The following HMGCLL1 variants were observed in gnomAD, a reference collection of about 807,000 sequenced individuals.
HMGCLL1 encodes 3-hydroxymethyl-3-methylglutaryl-CoA lyase, cytoplasmic.
A neutral mutation model predicts 39.1 loss-of-function variants in HMGCLL1; 36 were observed. The observed-to-expected ratio is 0.92, with a 90% CI of 0.71 to 1.22. The LOEUF (loss-of-function observed/expected upper bound fraction) is 1.22, where lower values mean the gene tolerates loss of function less well. Ranked by LOEUF, HMGCLL1 falls within the 50% of genes most tolerant of loss-of-function variation. The pLI is 0.00. For synonymous variants in HMGCLL1, 149 were observed against 144.0 expected, an observed-to-expected ratio of 1.03 and a Z score of -0.25; for missense variants, 451 against 416.5, an observed-to-expected ratio of 1.08 and a Z score of -0.72.
intron 7 of HMGCLL1, among the ~76,000 whole-genome samples, chr6:55,487,150 C>T (rs1056638495): frequency 2.6e-5 from 4 of 152,042 alleles, no homozygotes; most frequent in African/African-American, 7.2e-5. Context: ...CAACACTATT[C>T]CAACAGTGTT....
chr6:55,627,235 C>T, the HMGCLL1 span, among the ~76,000 whole-genome samples: 9 of 151,842 alleles, frequency 5.9e-5, no homozygotes, highest in Non-Finnish European at 1.2e-4. Context: ...CATTTTTGTG[C>T]ATGTATACAC....
chr6:55,477,200 T>G lies in HMGCLL1; in HGVS notation c.795+18219A>C, dbSNP rs1158753355. On this transcript the variant is annotated intron_variant, in intron 7 of 8. Coordinates refer to ENST00000274901, the MANE Select transcript of HMGCLL1 (RefSeq NM_001042406.2). ...TATTATATTTATATATTATATATTA[T>G]ATAATATATATTATATTATAATATA... 2.1e-3 allele frequency among the ~76,000 whole-genome samples: 56 copies of G among 26,190 alleles called. 10 individuals are homozygous for G. Among genetic ancestry groups the G allele is most frequent in the Admixed American group, 2.8e-3 (4 of 1,426 alleles). 17.2% of individuals were successfully genotyped at this position (26,190 alleles called of 152,430 possible).
At chr6:55,618,562 A>G in the HMGCLL1 span, among the ~76,000 whole-genome samples, 1 of 152,092 alleles carries the variant, frequency 6.6e-6, no homozygotes, top group Non-Finnish European at 1.5e-5. Flanking sequence ...TCCATATTAC[A>G]GCACAACAGT....
intron 7 of HMGCLL1, among the ~76,000 whole-genome samples, chr6:55,486,757 G>T (rs1369665629): frequency 2.6e-5 from 4 of 152,104 alleles, no homozygotes; most frequent in African/African-American, 9.6e-5. Context: ...GTCAGTTTGG[G>T]CTGCTATAAC....
chr6:55,493,849 C>G (rs979871343), intron 7 of HMGCLL1, among the ~76,000 whole-genome samples: 2 of 152,080 alleles, frequency 1.3e-5, no homozygotes, highest in African/African-American at 4.8e-5. Context: ...TCTCCTGCCT[C>G]AGCCTCCCAA....
chr6:55,559,187 T>C (rs1225411923), intron 1 of HMGCLL1, among the ~76,000 whole-genome samples: 1 of 152,152 alleles, frequency 6.6e-6, no homozygotes, highest in East Asian at 1.9e-4. Context: ...CCAAAAAAAG[T>C]CCACGAAAAC....
chr6:55,587,759 C>A, the HMGCLL1 span, among the ~76,000 whole-genome samples: 1 of 152,088 alleles, frequency 6.6e-6, no homozygotes, highest in Admixed American at 6.6e-5. Flanking sequence ...CAATCCTAGT[C>A]TCTGACTAAA....
chr6:55,566,511 G>A, intron 1 of HMGCLL1: 1 of 418,604 alleles, frequency 2.4e-6, no homozygotes, highest in Non-Finnish European at 4.8e-6. Flanking sequence ...TACTATTGGT[G>A]GAAAAAAGAG....
chr6:55,465,926 T>C (rs1030864739), intron 7 of HMGCLL1, among the ~76,000 whole-genome samples: 1 of 152,120 alleles, frequency 6.6e-6, no homozygotes, highest in African/African-American at 2.4e-5. Flanking sequence ...ATCTATGCTT[T>C]AAGGATTGTC....
chr6:55,439,393 C>A, intron 8 of HMGCLL1, 41 bp downstream of exon 8: 1 of 1,571,266 alleles, frequency 6.4e-7, no homozygotes, highest in Non-Finnish European at 8.7e-7. Context: ...TTTGGAGCTG[C>A]AAGGAATGCA....
At chr6:55,610,727 T>A in the HMGCLL1 span, among the ~76,000 whole-genome samples, 1 of 152,100 alleles carries the variant, frequency 6.6e-6, no homozygotes, top group Non-Finnish European at 1.5e-5. Context: ...CTAAGACACA[T>A]AATCATCAGA....
At chr6:55,566,121 T>A (rs1343360507) in intron 1 of HMGCLL1, among the ~76,000 whole-genome samples, 3 of 152,042 alleles carry the variant, frequency 2.0e-5, no homozygotes, top group African/African-American at 7.2e-5. Context: ...AATATGAAAT[T>A]GAGTAGAGAA....
At chr6:55,654,320 A>G in the HMGCLL1 span, among the ~76,000 whole-genome samples, 1 of 150,704 alleles carries the variant, frequency 6.6e-6, no homozygotes, top group Admixed American at 6.6e-5. Context: ...TATAAAAATT[A>G]TATATTATAT....
the HMGCLL1 span, among the ~76,000 whole-genome samples, chr6:55,635,935 T>G: frequency 2.0e-5 from 3 of 152,142 alleles, no homozygotes; most frequent in Non-Finnish European, 4.4e-5. Context: ...GAACCCAGTC[T>G]TGTCTTCCAG....
the HMGCLL1 span, among the ~76,000 whole-genome samples, chr6:55,645,034 G>A: frequency 6.6e-6 from 1 of 151,912 alleles, no homozygotes; most frequent in South Asian, 2.1e-4. Context: ...CATGAACATG[G>A]AATATCTTTC....
At chr6:55,480,295 G>A (rs1765671288) in intron 7 of HMGCLL1, among the ~76,000 whole-genome samples, 2 of 151,310 alleles carry the variant, frequency 1.3e-5, no homozygotes, top group South Asian at 2.1e-4. Flanking sequence ...CTAATAATCC[G>A]ACCAAAAATG....
upstream of HMGCLL1, among the ~76,000 whole-genome samples, chr6:55,584,048 G>A (rs1772029020): frequency 6.6e-6 from 1 of 151,974 alleles, no homozygotes; most frequent in Non-Finnish European, 1.5e-5. Context: ...TTGCTTAAAT[G>A]TACTCTTCCA....
the HMGCLL1 span, among the ~76,000 whole-genome samples, chr6:55,656,227 C>T: frequency 6.6e-6 from 1 of 151,900 alleles, no homozygotes; most frequent in Admixed American, 6.6e-5. Flanking sequence ...AGTCAGAAAT[C>T]TAGATGTCAT....
rs776534349 is a variant in HMGCLL1, at chr6:55,435,815, A to C, written c.922-52T>G. On this transcript the variant is annotated intron_variant, in intron 8 of 8. Transcript: ENST00000274901. ...GAAGGCAGAGGGATTAGAGAGAAAAAAGATAAAACATAGCCTTTTAAATTT... is the reference window on the plus strand; with the variant it reads ...GAAGGCAGAGGGATTAGAGAGAAAACAGATAAAACATAGCCTTTTAAATTT... 1.2e-5 allele frequency: 11 copies of C among 898,810 alleles called. No homozygotes were observed. The African/African-American group carries it at 1.7e-4, about 14-fold the overall frequency. 55.7% of individuals were successfully genotyped at this position (898,810 alleles called of 1,614,324 possible).
Sources: gnomAD v4.1 joint callset for allele counts (sites outside exome capture counted in the v4.1 genomes callset) on GRCh38, gnomAD v4.1.1 for gene constraint, MANE v1.5 for transcripts, NCBI Gene and HGNC (gene_info 2026-07-23, HGNC 2026-07-21) for gene names.